IGF2: variants seen among roughly 807,000 people sequenced by gnomAD.
IGF2 encodes the protein insulin-like growth factor 2.
In IGF2, 2 loss-of-function variants were observed where a neutral mutation model predicts 12.0. The observed-to-expected ratio is 0.17, with a 90% CI of 0.07 to 0.52. The LOEUF (loss-of-function observed/expected upper bound fraction) is 0.52, where lower values mean the gene tolerates loss of function less well. Ranked by LOEUF, IGF2 falls within the 20% of genes least tolerant of loss-of-function variation. IGF2 has a pLI of 0.95. For synonymous variants in IGF2, 105 were observed against 110.1 expected (o/e 0.95, Z 0.29); for missense variants, 211 against 268.0 (o/e 0.79, Z 1.48).
upstream of IGF2, among the ~76,000 whole-genome samples, chr11:2,145,205 C>G (rs534267922): frequency 1.3e-5 from 2 of 152,352 alleles, no homozygotes; most frequent in East Asian, 3.9e-4. Context: ...GCTCTCTGGC[C>G]TCTCCGGCTG....
At chr11:2,145,824 G>A (rs1365937280), upstream of IGF2, among the ~76,000 whole-genome samples, 3 of 152,118 alleles carry the variant, frequency 2.0e-5, no homozygotes, top group South Asian at 2.1e-4. Flanking sequence ...GGGCAGACGC[G>A]GGTCACCCTG....
chr11:2,144,005 C>T (rs1859758519), upstream of IGF2, among the ~76,000 whole-genome samples: 1 of 152,190 alleles, frequency 6.6e-6, no homozygotes, highest in Non-Finnish European at 1.5e-5. Flanking sequence ...GCGGCGCGGG[C>T]AGGTAGCGCG....
rs1858522333 is a variant in IGF2, at chr11:2,131,205, AT to A, written c.*1781del. 4.3e-6 allele frequency: 1 copy of A among 233,152 alleles called. No individual in the cohort carries two copies. Among genetic ancestry groups the A allele is most frequent in the Non-Finnish European group, 8.5e-6 (1 of 118,050 alleles). The allele number at this position is 233,152 out of a possible 1,614,324, so 14.4% of individuals were successfully genotyped here. Reference sequence around the variant, plus strand: ...CACACCCCGCCCACCCTACGGGTGTATCCCAAATGCCGCCGGCCGCACACTC... The same window carrying A: ...CACACCCCGCCCACCCTACGGGTGTACCCAAATGCCGCCGGCCGCACACTC... On this transcript the variant is annotated 3_prime_UTR_variant, in exon 4 of 4. Coordinates refer to ENST00000416167, the MANE Select transcript of IGF2 (RefSeq NM_000612.6).
chr11:2,149,327 G>T, the IGF2 span: 1 of 1,612,314 alleles, frequency 6.2e-7, no homozygotes, highest in African/African-American at 1.3e-5. Flanking sequence ...CGTGGAGGAG[G>T]AGAGGGACAA....
In IGF2 at chr11:2,133,112, G is replaced by T; in HGVS notation, c.418C>A (p.His140Asn). Residue 140 changes from histidine (H) to asparagine (N), a missense_variant, in exon 4 of 4, where the codon CAC (histidine) becomes AAC (asparagine). By Grantham distance (68) the His-to-Asn change is moderately conservative. Coordinates refer to ENST00000416167, the MANE Select transcript of IGF2 (RefSeq NM_000612.6). This position sits in a 1 kb window ranked among gnomAD's most constrained non-coding sequence, Gnocchi z 8.9. ...GCCTCGAGCTCCTTGGCGAGCACGT[G>T]ACCCCGGCGGGCACGCAGGAGGGCA... ...LPALLRARRG[H>N]VLAKELEAFR... 6.2e-7 allele frequency: 1 copy of T among 1,607,166 alleles called. No homozygotes were observed. The highest frequency in any genetic ancestry group is 8.5e-7 in the Non-Finnish European group (1 of 1,176,408).
the IGF2 span, chr11:2,149,418 G>T: frequency 3.4e-5 from 43 of 1,253,344 alleles, no homozygotes; most frequent in Non-Finnish European, 4.8e-5. Flanking sequence ...CCTCATCTCC[G>T]CTGAGCATGG....
Position 2,131,557 on chromosome 11 carries a change from TGC to T in IGF2, c.*1428_*1429del, listed in dbSNP as rs1486659326. The T allele has an allele frequency of 1.1e-5, 2 of 188,562 alleles. No homozygotes were observed. The highest frequency in any genetic ancestry group is 5.0e-5 in the African/African-American group (2 of 39,918). The allele number at this position is 188,562 out of a possible 1,614,324, so 11.7% of individuals were successfully genotyped here. Reference sequence around the variant, plus strand: ...TGTGTGTGCTGTGTGTGCATGTGTGTGCTGTGTGTTTGTGTGTGTGCTGTGTT... The same window carrying T: ...TGTGTGTGCTGTGTGTGCATGTGTGTTGTGTGTTTGTGTGTGTGCTGTGTT... On this transcript the variant is annotated 3_prime_UTR_variant, in exon 4 of 4. Transcript: ENST00000416167.
chr11:2,139,048 G>A lies in IGF2; in HGVS notation c.-826C>T, dbSNP rs1404482230. ...CCCGAGGCTGCGCGCCGGGGGGAGG[G>A]CTGGAGGGGGAGCGCGGGGGGGGGT... On this transcript the variant is annotated 5_prime_UTR_variant, in exon 1 of 4. Transcript: ENST00000416167. 3.4e-6 allele frequency: 2 copies of A among 588,282 alleles called. No homozygotes were observed. Among genetic ancestry groups the A allele is most frequent in the Non-Finnish European group, 4.2e-6 (2 of 478,734 alleles). 36.4% of individuals were successfully genotyped at this position (588,282 alleles called of 1,614,324 possible). A position where few individuals can be genotyped will look rare whatever the true frequency, so the allele number is the denominator to read the frequency against.
upstream of IGF2, among the ~76,000 whole-genome samples, chr11:2,142,893 G>A (rs114561918): frequency 3.6e-3 from 552 of 152,252 alleles, 5 homozygotes; most frequent in African/African-American, 0.013. The surrounding 1 kb of genome is among the most constrained non-coding windows in gnomAD (Gnocchi z 5.7). Context: ...GGAGAATCCT[G>A]GGTCACACTT....
At chr11:2,149,349 G>C in the IGF2 span, 1 of 1,609,360 alleles carries the variant, frequency 6.2e-7, no homozygotes, top group Admixed American at 1.7e-5. Context: ...GCTGAGGCTG[G>C]AGAAACGAAG....
In IGF2 at chr11:2,132,551, T is replaced by A. The variant is rs1471937308; in HGVS notation, c.*436A>T. On this transcript the variant is annotated 3_prime_UTR_variant, in exon 4 of 4. Transcript: ENST00000416167. ...CAGCCAATTCGTTTTTAATACTTTT[T>A]TTTTTTAGCCAATTGATTTTTTTTG... 4.7e-6 allele frequency: 1 copy of A among 214,176 alleles called. No individual in the cohort carries two copies. The highest frequency in any genetic ancestry group is 2.3e-5 in the African/African-American group (1 of 44,180). 13.3% of individuals were successfully genotyped at this position (214,176 alleles called of 1,614,324 possible).
Position 2,132,919 on chromosome 11 carries a change from G to T in IGF2, c.*68C>A. The T allele has an allele frequency of 9.0e-7, 1 of 1,113,856 alleles. No homozygotes were observed. Among genetic ancestry groups the T allele is most frequent in the Non-Finnish European group, 1.3e-6 (1 of 783,854 alleles). 69.0% of individuals were successfully genotyped at this position (1,113,856 alleles called of 1,614,324 possible). On this transcript the variant is annotated 3_prime_UTR_variant, in exon 4 of 4. Transcript: ENST00000416167. ...GAGATTTTCGGGATGGAACCTGATG[G>T]AAACGTCCGTGGTCAGGAGGAGGCT...
the IGF2 span, chr11:2,146,422 G>C: frequency 1.9e-6 from 1 of 533,370 alleles, no homozygotes; most frequent in African/African-American, 1.9e-5. Flanking sequence ...ACTCGCTGGC[G>C]TCAGCCCGGC....
upstream of IGF2, among the ~76,000 whole-genome samples, chr11:2,143,664 T>C (rs1859736951): frequency 6.6e-6 from 1 of 152,112 alleles, no homozygotes; most frequent in Non-Finnish European, 1.5e-5. Context: ...CCAGGCCACA[T>C]AGTGTAAGTC....
intron 2 of IGF2, among the ~76,000 whole-genome samples, chr11:2,134,392 C>A (rs1054425167): frequency 6.6e-6 from 1 of 152,222 alleles, no homozygotes; most frequent in Non-Finnish European, 1.5e-5. Flanking sequence ...TCTCCCTGGG[C>A]AAGGACTGGC....
upstream of IGF2, chr11:2,140,178 T>C (rs766839357): frequency 6.2e-7 from 1 of 1,613,384 alleles, no homozygotes; most frequent in Admixed American, 1.7e-5. Context: ...TAGCTCGCCT[T>C]TGCGGCCCAC....
Position 2,138,449 on chromosome 11 carries a change from C to T in IGF2, c.-227G>A. On this transcript the variant is annotated 5_prime_UTR_variant, in exon 1 of 4. Coordinates refer to ENST00000416167, the MANE Select transcript of IGF2 (RefSeq NM_000612.6). ...AGGACGGGCTGTCTTCGGGCTGGGG[C>T]GGGCCAGATGTTGTACTTTTCGGGG... 3.5e-6 allele frequency: 3 copies of T among 868,404 alleles called. No individual in the cohort carries two copies. Among genetic ancestry groups the T allele is most frequent in the South Asian group, 5.4e-5 (1 of 18,368 alleles). 53.8% of individuals were successfully genotyped at this position (868,404 alleles called of 1,614,324 possible). A position where few individuals can be genotyped will look rare whatever the true frequency, so the allele number is the denominator to read the frequency against.
At chr11:2,135,814 C>A (rs3213221) in intron 1 of IGF2, among the ~76,000 whole-genome samples, 2 of 152,040 alleles carry the variant, frequency 1.3e-5, no homozygotes, top group Non-Finnish European at 1.5e-5. Context: ...GTGACCATCT[C>A]CACGGTCATT....
rs1858415989 is a variant in IGF2, at chr11:2,129,898, G to A, written c.*3089C>T. Reference sequence around the variant, plus strand: ...TGGCTGCTATGGCATCACCAGACCCGTGGGCTCCGGGGCCCAAGCAACCTG... The same window carrying A: ...TGGCTGCTATGGCATCACCAGACCCATGGGCTCCGGGGCCCAAGCAACCTG... On this transcript the variant is annotated 3_prime_UTR_variant, in exon 4 of 4. Coordinates refer to ENST00000416167, the MANE Select transcript of IGF2 (RefSeq NM_000612.6). This position sits in a 1 kb window ranked among gnomAD's most constrained non-coding sequence, Gnocchi z 8.1. The A allele has an allele frequency of 1.3e-5, 3 of 231,784 alleles. No individual in the cohort carries two copies. The highest frequency in any genetic ancestry group is 2.6e-5 in the Non-Finnish European group (3 of 117,146). 14.4% of individuals were successfully genotyped at this position (231,784 alleles called of 1,614,324 possible). A position where few individuals can be genotyped will look rare whatever the true frequency, so the allele number is the denominator to read the frequency against.
Sources: allele counts gnomAD v4.1 joint callset (sites outside exome capture counted in the v4.1 genomes callset), GRCh38; gene constraint gnomAD v4.1.1; non-coding constraint Gnocchi (gnomAD v3.1); transcripts MANE v1.5; gene names NCBI Gene and HGNC (gene_info 2026-07-23, HGNC 2026-07-21).